The following IL1RAP variants were observed in gnomAD, a reference collection of about 807,000 sequenced individuals.
IL1RAP encodes interleukin-1 receptor accessory protein.
In IL1RAP, 35 loss-of-function variants were observed where a neutral mutation model predicts 60.7. That is an observed-to-expected ratio of 0.58 (90% CI 0.44 to 0.76). The LOEUF (loss-of-function observed/expected upper bound fraction) is 0.76. IL1RAP is among the 30% of genes least tolerant of loss of function. The pLI is 0.00. For synonymous variants in IL1RAP, 268 were observed against 250.9 expected, an observed-to-expected ratio of 1.07 and a Z score of -0.64; for missense variants, 572 against 693.9, an observed-to-expected ratio of 0.82 and a Z score of 1.97.
chr3:190,519,082 C>G (rs911775666), intron 1 of IL1RAP: 12 of 152,246 alleles, frequency 7.9e-5, no homozygotes, highest in Non-Finnish European at 1.3e-4. Context: ...CCGGTACTAC[C>G]TTGCCTGTGA....
At chr3:190,555,148 A>G (rs1442302481) in intron 1 of IL1RAP, among the ~76,000 whole-genome samples, 2 of 152,192 alleles carry the variant, frequency 1.3e-5, no homozygotes, top group Non-Finnish European at 2.9e-5. Flanking sequence ...CTATGCTGGG[A>G]AAAGTAATTA....
rs1288889988 is a variant in IL1RAP, at chr3:190,522,343, TCCCTCCC to T, written c.-89+8125_-89+8131del. On this transcript the variant is annotated intron_variant, in intron 1 of 11. Coordinates refer to ENST00000447382, the MANE Select transcript of IL1RAP (RefSeq NM_002182.4). ...CTTCCTTCCTTCCTTCCTTCCTTCC[TCCCTCCC>T]TCCCTTCGTTCCTCTTCCTTCCTTC... Among the ~76,000 whole-genome samples, 605 of 148,398 alleles carry T rather than the reference TCCCTCCC, an allele frequency of 4.1e-3. 7 individuals carry two copies. The highest frequency in any genetic ancestry group is 0.012 in the African/African-American group (482 of 38,906).
At chr3:190,576,692 G>A (rs138639995) in intron 3 of IL1RAP, among the ~76,000 whole-genome samples, 243 of 152,178 alleles carry the variant, frequency 1.6e-3, no homozygotes, top group Non-Finnish European at 2.6e-3. Flanking sequence ...AGGGGACCTG[G>A]GCTATTTGTT....
chr3:190,584,055 C>T (rs1005378218), intron 3 of IL1RAP, among the ~76,000 whole-genome samples: 4 of 152,292 alleles, frequency 2.6e-5, no homozygotes, highest in Non-Finnish European at 5.9e-5. Flanking sequence ...GCCGTCCCCC[C>T]ACACCCAGTC....
chr3:190,643,155 T>C (rs1470660220), intron 9 of IL1RAP, among the ~76,000 whole-genome samples: 1 of 152,146 alleles, frequency 6.6e-6, no homozygotes, highest in East Asian at 1.9e-4. Context: ...AATTACAATA[T>C]AATAAGTAAT....
chr3:190,658,113 T>C (rs1007068499), exon 12 of IL1RAP: 1 of 151,564 alleles, frequency 6.6e-6, no homozygotes, highest in African/African-American at 2.4e-5. Flanking sequence ...TTGTCACTAA[T>C]TGAGCCCCAA....
chr3:190,609,542 A>G (rs965041695), intron 5 of IL1RAP, among the ~76,000 whole-genome samples: 5 of 152,336 alleles, frequency 3.3e-5, no homozygotes, highest in Middle Eastern at 3.4e-3. Flanking sequence ...TTGATTAATC[A>G]GTACTGCATT....
At chr3:190,612,263 G>T (rs2108772259) in intron 5 of IL1RAP, among the ~76,000 whole-genome samples, 1 of 151,616 alleles carries the variant, frequency 6.6e-6, no homozygotes, top group South Asian at 2.1e-4. Context: ...CCTAAAAGAT[G>T]GTTAAAAAAT....
chr3:190,584,600 A>AT (rs571902701), intron 3 of IL1RAP, among the ~76,000 whole-genome samples: 2 of 152,304 alleles, frequency 1.3e-5, no homozygotes, highest in East Asian at 3.9e-4. Context: ...TTTAATTTAC[A>AT]TTTATATAAT....
intron 1 of IL1RAP, chr3:190,550,316 C>A (rs1299146403): frequency 1.3e-5 from 2 of 152,156 alleles, no homozygotes; most frequent in African/African-American, 2.4e-5. Flanking sequence ...GCCTCTGGAT[C>A]CCTTAGATCC....
chr3:190,635,010 C>T (rs1267580931), intron 9 of IL1RAP, among the ~76,000 whole-genome samples: 4 of 152,176 alleles, frequency 2.6e-5, no homozygotes, highest in East Asian at 1.9e-4. Flanking sequence ...CCACCGTGCC[C>T]GGCCGTTGTT....
At chr3:190,581,474 C>T (rs558816003) in intron 3 of IL1RAP, among the ~76,000 whole-genome samples, 75 of 152,272 alleles carry the variant, frequency 4.9e-4, no homozygotes, top group Non-Finnish European at 9.0e-4. Context: ...CTTTTACATT[C>T]GAAGCTGGGT....
intron 1 of IL1RAP, among the ~76,000 whole-genome samples, chr3:190,517,065 T>A (rs1010602032): frequency 6.6e-6 from 1 of 152,216 alleles, no homozygotes; most frequent in Admixed American, 6.5e-5. Flanking sequence ...GATATCCTTT[T>A]TGTTGAAAAG....
chr3:190,655,830 G>A (rs141862973), downstream of IL1RAP: 23 of 1,251,864 alleles, frequency 1.8e-5, no homozygotes, highest in African/African-American at 2.5e-4. Flanking sequence ...GGACAATAAC[G>A]AACTGGAATA....
chr3:190,533,242 T>A (rs1723145034), intron 1 of IL1RAP, among the ~76,000 whole-genome samples: 1 of 152,020 alleles, frequency 6.6e-6, no homozygotes, highest in Admixed American at 6.6e-5. Context: ...TTATTACAAT[T>A]AGGGCCATAT....
rs115568942 is a variant in IL1RAP at position 190,604,848 on chromosome 3, A to G, written c.350+435A>G. 2.9e-3 allele frequency among the ~76,000 whole-genome samples: 441 copies of G among 152,304 alleles called. 4 individuals are homozygous for G. In the Middle Eastern group the frequency reaches 0.034, roughly 12 times the overall value. ...ACTCAGGTGCATTGTGTGATGCACA[A>G]TGCCTCCCAAATATGTGTGATGTGA... On this transcript the variant is annotated intron_variant, in intron 4 of 11. Transcript: ENST00000447382.
chr3:190,582,781 T>G (rs1728119741), intron 3 of IL1RAP, among the ~76,000 whole-genome samples: 2 of 152,234 alleles, frequency 1.3e-5, no homozygotes, highest in Non-Finnish European at 2.9e-5. Context: ...CCATTATTCT[T>G]AGAATTAAAT....
At chr3:190,546,276 T>G (rs572965051) in intron 1 of IL1RAP, among the ~76,000 whole-genome samples, 1 of 152,332 alleles carries the variant, frequency 6.6e-6, no homozygotes, top group Admixed American at 6.5e-5. Context: ...AATTTTCCCC[T>G]AAGAGGCTTT....
chr3:190,534,178 C>CAGTG (rs1723230037), intron 1 of IL1RAP, among the ~76,000 whole-genome samples: 2 of 151,958 alleles, frequency 1.3e-5, no homozygotes, highest in South Asian at 4.1e-4. Flanking sequence ...GTGGGTCCTA[C>CAGTG]CGATCGGTGC....
Sources: allele counts gnomAD v4.1 joint callset (sites outside exome capture counted in the v4.1 genomes callset), GRCh38; gene constraint gnomAD v4.1.1; transcripts MANE v1.5; gene names NCBI Gene and HGNC (gene_info 2026-07-23, HGNC 2026-07-21).